KCND3: variants seen among roughly 807,000 people sequenced by gnomAD.
KCND3 encodes the protein potassium voltage-gated channel subfamily D member 3.
In KCND3, 9 loss-of-function variants were observed where a neutral mutation model predicts 51.1. That is an observed-to-expected ratio of 0.18 (90% CI 0.11 to 0.31). KCND3 has a LOEUF of 0.31. KCND3 is among the 10% of genes least tolerant of loss of function. The probability of loss-of-function intolerance (pLI) is 1.00; values close to 1 mark genes in which losing one functional copy is unlikely to be tolerated. For missense variants in KCND3, 526 were observed against 903.8 expected, an observed-to-expected ratio of 0.58 and a Z score of 5.36; for synonymous variants, 349 against 368.0, an observed-to-expected ratio of 0.95 and a Z score of 0.59.
intron 2 of KCND3, among the ~76,000 whole-genome samples, chr1:111,969,290 A>G (rs1252213953): frequency 6.6e-6 from 1 of 152,136 alleles, no homozygotes; most frequent in African/African-American, 2.4e-5. Flanking sequence ...GTGCCAACAG[A>G]GCCCAAGAGT....
chr1:111,812,244 G>A (rs755770336), intron 2 of KCND3, among the ~76,000 whole-genome samples: 9 of 152,210 alleles, frequency 5.9e-5, no homozygotes, highest in Non-Finnish European at 1.2e-4. Flanking sequence ...GGGTCTGGAG[G>A]AGCTGGTTTT....
intron 2 of KCND3, among the ~76,000 whole-genome samples, chr1:111,855,611 G>A (rs760562558): frequency 3.0e-4 from 46 of 152,112 alleles, no homozygotes; most frequent in African/African-American, 9.7e-4. Flanking sequence ...CATATCCTTG[G>A]GGCATAGGTC....
At position 111,771,775 on chromosome 1, in the gene KCND3, T is replaced by C. The variant is rs1663913417; in HGVS notation, c.*4302A>G. 1 of 152,236 alleles carries C rather than the reference T, an allele frequency of 6.6e-6. No individual in the cohort carries two copies. The highest frequency in any genetic ancestry group is 6.5e-5 in the Admixed American group (1 of 15,286). The allele number at this position is 152,236 out of a possible 1,614,324, so 9.4% of individuals were successfully genotyped here. ...AACTTTAAGTTCTGTTCAAATTCTG[T>C]GTGATTGTAAACTAATGTGTTCAAC... On this transcript the variant is annotated 3_prime_UTR_variant, in exon 8 of 8. Coordinates refer to ENST00000302127, the MANE Select transcript of KCND3 (RefSeq NM_001378969.1).
chr1:111,780,294 G>A lies in KCND3; in HGVS notation c.1392C>T (p.His464=). ...CGATGAGTGAGGTGGTCTTGCCCAT[G>A]TGCTCCTCTTCTGGGGTGCCCTAGT... ...LELTGTPEEE[H]MGKTTSLIES... is the part of the protein sequence containing the mutation. Residue 464 remains histidine (H), a synonymous_variant, in exon 5 of 8, where the codon CAC becomes CAT. Coordinates refer to ENST00000302127, the MANE Select transcript of KCND3 (RefSeq NM_001378969.1). The surrounding 1 kb of genome is among the most constrained non-coding windows in gnomAD (Gnocchi z 4.2). 6.3e-7 allele frequency: 1 copy of A among 1,577,576 alleles called. No homozygotes were observed. Among genetic ancestry groups the A allele is most frequent in the Non-Finnish European group, 8.6e-7 (1 of 1,160,292 alleles).
At chr1:111,936,571 G>A (rs3017625) in intron 2 of KCND3, among the ~76,000 whole-genome samples, 4,104 of 152,228 alleles carry the variant, frequency 0.027, 173 homozygotes, top group African/African-American at 0.092. Flanking sequence ...GGCATGCGGC[G>A]GGACAGGCAA....
chr1:111,863,656 A>G (rs1157763616), intron 2 of KCND3, among the ~76,000 whole-genome samples: 2 of 152,238 alleles, frequency 1.3e-5, no homozygotes, highest in Non-Finnish European at 2.9e-5. Flanking sequence ...CAGGGGACTT[A>G]GGGAGGCTCT....
chr1:111,963,721 A>G (rs1673806423), intron 2 of KCND3, among the ~76,000 whole-genome samples: 1 of 152,220 alleles, frequency 6.6e-6, no homozygotes. Context: ...TGAGGGACAA[A>G]GTCAGACCTC....
chr1:111,834,224 T>C (rs758578977), intron 2 of KCND3, among the ~76,000 whole-genome samples: 3 of 152,200 alleles, frequency 2.0e-5, no homozygotes, highest in Non-Finnish European at 2.9e-5. Context: ...AAAGTAGCTA[T>C]AGATGCCCAC....
chr1:111,830,129 A>G (rs1274346168), intron 2 of KCND3, among the ~76,000 whole-genome samples: 2 of 152,206 alleles, frequency 1.3e-5, no homozygotes, highest in Admixed American at 1.3e-4. Context: ...TGTGAGCTCT[A>G]TGAGAACAGA....
At chr1:111,880,794 G>A (rs945908294) in intron 2 of KCND3, among the ~76,000 whole-genome samples, 1 of 152,160 alleles carries the variant, frequency 6.6e-6, no homozygotes, top group African/African-American at 2.4e-5. Flanking sequence ...ATTTGGTTGG[G>A]GAGCAGAATA....
chr1:111,958,539 A>G (rs1010045769), intron 2 of KCND3, among the ~76,000 whole-genome samples: 2 of 152,258 alleles, frequency 1.3e-5, no homozygotes, highest in Admixed American at 1.3e-4. Flanking sequence ...AAACAGGAAA[A>G]TTAAGTAGAA....
intron 2 of KCND3, among the ~76,000 whole-genome samples, chr1:111,827,416 T>C (rs1212003915): frequency 1.3e-5 from 2 of 152,156 alleles, no homozygotes; most frequent in East Asian, 1.9e-4. Flanking sequence ...CAGGAACACA[T>C]CTTGCACAGG....
chr1:111,826,466 T>A (rs4839170), intron 2 of KCND3, among the ~76,000 whole-genome samples: 1 of 151,986 alleles, frequency 6.6e-6, no homozygotes, highest in Non-Finnish European at 1.5e-5. Context: ...GACACGTGTC[T>A]GCTCTCATGC....
intron 2 of KCND3, among the ~76,000 whole-genome samples, chr1:111,948,601 C>T (rs1329722651): frequency 2.6e-5 from 4 of 152,166 alleles, no homozygotes; most frequent in African/African-American, 9.6e-5. Context: ...GGTCACTTCC[C>T]CAGAGAGGCT....
intron 2 of KCND3, among the ~76,000 whole-genome samples, chr1:111,965,839 A>G (rs1165971664): frequency 6.6e-6 from 1 of 152,132 alleles, no homozygotes. Context: ...CCCTGTCTGA[A>G]GTGAGCCAGC....
rs1383991776 is a variant in KCND3, at chr1:111,964,484, G to C, written c.1106+17137C>G. Among the ~76,000 whole-genome samples, 3 of 152,072 alleles carry C rather than the reference G, an allele frequency of 2.0e-5. 1 individual carries two copies. Among genetic ancestry groups the C allele is most frequent in the East Asian group, 3.9e-4 (2 of 5,168 alleles). On this transcript the variant is annotated intron_variant, in intron 2 of 7. Coordinates refer to ENST00000302127, the MANE Select transcript of KCND3 (RefSeq NM_001378969.1). ...GGTGGGGTGGGGGCAGCAGAGCCCT[G>C]GTCAGTAACCTCCTGCCTCAAGCAG...
At chr1:111,943,929 C>T (rs1161613797) in intron 2 of KCND3, among the ~76,000 whole-genome samples, 6 of 152,192 alleles carry the variant, frequency 3.9e-5, no homozygotes. Flanking sequence ...CAAGCTAAAC[C>T]CAGCCGGGGC....
Position 111,847,268 on chromosome 1 carries a change from G to C in KCND3, c.1107-60162C>G, listed in dbSNP as rs4348721. Reference sequence around the variant, plus strand: ...AGAGACAGGCCAAAGAGACACCTCTGTATCACCTTTCCTCCTAGAAATTAG... The same window carrying C: ...AGAGACAGGCCAAAGAGACACCTCTCTATCACCTTTCCTCCTAGAAATTAG... On this transcript the variant is annotated intron_variant, in intron 2 of 7. Transcript: ENST00000302127. 4.9e-3 allele frequency among the ~76,000 whole-genome samples: 741 copies of C among 152,288 alleles called. 32 individuals carry two copies. The East Asian group carries it at 0.1, about 21-fold the overall frequency.
intron 2 of KCND3, among the ~76,000 whole-genome samples, chr1:111,916,711 A>G (rs1671234183): frequency 6.6e-6 from 1 of 152,228 alleles, no homozygotes; most frequent in Admixed American, 6.5e-5. Flanking sequence ...AAGATGGAAC[A>G]TCACTACAGC....
Sources: gnomAD v4.1 joint callset for allele counts (sites outside exome capture counted in the v4.1 genomes callset) on GRCh38, gnomAD v4.1.1 for gene constraint, Gnocchi (gnomAD v3.1) non-coding constraint, MANE v1.5 for transcripts, NCBI Gene and HGNC (gene_info 2026-07-23, HGNC 2026-07-21) for gene names.